Variants in TDRD5 observed in about 807,000 individuals in gnomAD.
The protein encoded by TDRD5 is tudor domain containing 5.
A neutral mutation model predicts 120.6 loss-of-function variants in TDRD5; 41 were observed. The ratio of observed to expected loss-of-function variants is 0.34; its 90% confidence interval spans 0.26 to 0.44. TDRD5 has a LOEUF of 0.44. TDRD5 is among the 20% of genes least tolerant of loss of function. The pLI is 1.00. For synonymous variants in TDRD5, 430 were observed against 433.7 expected (o/e 0.99, Z 0.11); for missense variants, 1,006 against 1,221.2 (o/e 0.82, Z 2.63).
intron 17 of TDRD5, among the ~76,000 whole-genome samples, chr1:179,687,159 T>G (rs1289387871): frequency 6.6e-6 from 1 of 152,182 alleles, no homozygotes; most frequent in Non-Finnish European, 1.5e-5. Context: ...AGATCTTTCC[T>G]GGTTTCTCTT....
rs1558388222 is a variant in TDRD5 at position 179,626,222 on chromosome 1, TAAA to T, written c.973-4542_973-4540del. Among the ~76,000 whole-genome samples, 3 of 146,098 alleles carry T rather than the reference TAAA, an allele frequency of 2.1e-5. No individual in the cohort carries two copies. In the South Asian group the frequency reaches 6.6e-4, roughly 32 times the overall value. On this transcript the variant is annotated intron_variant, in intron 6 of 17. Coordinates refer to ENST00000444136, the MANE Select transcript of TDRD5 (RefSeq NM_001199085.3). ...AAAACTTAAAGTATAATAATAATAATAAAAAGAAAAAAAAGAAGTAAACAGCTG... is the reference window on the plus strand; with the variant it reads ...AAAACTTAAAGTATAATAATAATAATAAGAAAAAAAAGAAGTAAACAGCTG...
At chr1:179,638,224 T>C (rs1313476759) in intron 9 of TDRD5, among the ~76,000 whole-genome samples, 1 of 67,420 alleles carries the variant, frequency 1.5e-5, no homozygotes, top group Non-Finnish European at 3.5e-5. Context: ...GGGATGAAGA[T>C]CTATTAGTGG....
chr1:179,656,868 A>G (rs1158925927), intron 14 of TDRD5, among the ~76,000 whole-genome samples: 2 of 152,180 alleles, frequency 1.3e-5, no homozygotes, highest in African/African-American at 2.4e-5. Flanking sequence ...CCTGGCCAAC[A>G]TGGCAAAACC....
At chr1:179,670,857 A>G (rs1247614226) in intron 17 of TDRD5, among the ~76,000 whole-genome samples, 1 of 152,312 alleles carries the variant, frequency 6.6e-6, no homozygotes, top group East Asian at 1.9e-4. Context: ...GTATCTTTGG[A>G]AGAGCAAAAG....
intron 11 of TDRD5, among the ~76,000 whole-genome samples, chr1:179,642,749 A>T (rs900549025): frequency 3.3e-5 from 5 of 152,192 alleles, no homozygotes; most frequent in African/African-American, 1.2e-4. Flanking sequence ...CTCAATAACT[A>T]GGTTTTTAAC....
In TDRD5 at chr1:179,652,184, A is replaced by C. The variant is rs763086926; in HGVS notation, c.2147A>C (p.Glu716Ala). 11 of 1,604,410 alleles carry C rather than the reference A, an allele frequency of 6.9e-6. No homozygotes were observed. The highest frequency in any genetic ancestry group is 9.3e-6 in the Non-Finnish European group (11 of 1,177,744). ...RKISPQSKES[E>A]LRILQDINDE... is the part of the protein sequence containing the mutation. ...ATAAGTCCACAGTCAAAAGAGAGTG[A>C]GTTACGTATCTTGGTAAGAGATTTT... Residue 716 changes from glutamate (E) to alanine (A), a missense_variant, in exon 13 of 18, where the codon GAG becomes GCG. Physicochemically the swap from Glu to Ala is moderately radical, Grantham distance 107 (BLOSUM62 -1). Around this residue, in one of 3 missense-constraint regions of TDRD5, gnomAD observed 403 missense variants for 448.1 expected, o/e 0.90. Transcript: ENST00000444136.
chr1:179,593,971 C>T, intron 3 of TDRD5, 104 bp downstream of exon 3: 1 of 1,415,850 alleles, frequency 7.1e-7, no homozygotes, highest in South Asian at 1.5e-5. Flanking sequence ...CTACTACTTG[C>T]CAGCTGAGTG....
At chr1:179,630,729 T>C in intron 6 of TDRD5, 38 bp from the exon 7 acceptor site, 1 of 1,600,270 alleles carries the variant, frequency 6.2e-7, no homozygotes, top group Non-Finnish European at 8.5e-7. Flanking sequence ...ATCTGTTATC[T>C]AATGCTGTTT....
At position 179,662,159 on chromosome 1, in the gene TDRD5, T is replaced by G. The variant is rs773663186; in HGVS notation, c.2378T>G (p.Ile793Ser). 9.9e-6 allele frequency: 16 copies of G among 1,610,314 alleles called. No individual in the cohort carries two copies. Among genetic ancestry groups the G allele is most frequent in the Non-Finnish European group, 1.4e-5 (16 of 1,178,498 alleles). The part of the protein sequence containing the change: ...CLESVTIGDD[I>S]WDENWLPLQA... Reference sequence around the variant, plus strand: ...GAGTCAGTGACCATAGGTGATGATATTTGGGATGAGAACTGGTTACCTCTA... The same window carrying G: ...GAGTCAGTGACCATAGGTGATGATAGTTGGGATGAGAACTGGTTACCTCTA... The change falls in exon 15 of 18, where the codon ATT becomes AGT. Residue 793 changes from isoleucine to serine, a missense_variant. Physicochemically the swap from Ile to Ser is moderately radical, Grantham distance 142. Transcript: ENST00000444136.
intron 4 of TDRD5, among the ~76,000 whole-genome samples, chr1:179,604,633 G>T (rs1275982417): frequency 6.6e-6 from 1 of 151,916 alleles, no homozygotes; most frequent in African/African-American, 2.4e-5. Context: ...TTTCATTTTT[G>T]ACCCAATGAT....
intron 11 of TDRD5, among the ~76,000 whole-genome samples, chr1:179,650,247 A>G (rs1246340767): frequency 6.6e-6 from 1 of 152,066 alleles, no homozygotes; most frequent in African/African-American, 2.4e-5. Context: ...CTAAAAATAC[A>G]GAAATCAGCT....
At chr1:179,687,167 C>G (rs1393684261) in intron 17 of TDRD5, among the ~76,000 whole-genome samples, 1 of 152,126 alleles carries the variant, frequency 6.6e-6, no homozygotes, top group East Asian at 1.9e-4. Flanking sequence ...CCTGGTTTCT[C>G]TTGTGGGCAT....
intron 9 of TDRD5, among the ~76,000 whole-genome samples, chr1:179,638,090 G>T (rs534221566): frequency 1.4e-4 from 21 of 152,166 alleles, no homozygotes; most frequent in Non-Finnish European, 2.2e-4. Flanking sequence ...AGTCAGGAAG[G>T]GGGAGAGAGT....
chr1:179,618,281 T>G (rs1238908187), intron 4 of TDRD5, among the ~76,000 whole-genome samples: 3 of 152,234 alleles, frequency 2.0e-5, no homozygotes, highest in South Asian at 4.1e-4. Context: ...AGTACTTTTA[T>G]AAATAGGAGA....
chr1:179,664,639 T>C (rs74132225), intron 16 of TDRD5, among the ~76,000 whole-genome samples: 54,705 of 152,018 alleles, frequency 0.36, 9,908 homozygotes, highest in Admixed American at 0.43. Flanking sequence ...ACCAGTACTT[T>C]ATTCCTTTCT....
chr1:179,641,770 T>G (rs1369956753), intron 11 of TDRD5, among the ~76,000 whole-genome samples: 1 of 152,224 alleles, frequency 6.6e-6, no homozygotes, highest in Non-Finnish European at 1.5e-5. Context: ...AGTTCTCAAT[T>G]TTAATGGATT....
chr1:179,596,960 A>G (rs943597279), intron 4 of TDRD5, among the ~76,000 whole-genome samples: 5 of 152,232 alleles, frequency 3.3e-5, no homozygotes, highest in African/African-American at 1.2e-4. Context: ...CTTTGTTAAC[A>G]TTTGGGATTG....
chr1:179,626,487 T>C (rs1309230371), intron 6 of TDRD5, among the ~76,000 whole-genome samples: 1 of 152,226 alleles, frequency 6.6e-6, no homozygotes, highest in Non-Finnish European at 1.5e-5. Context: ...TTATCAGGGC[T>C]AACTGACTGG....
intron 14 of TDRD5, among the ~76,000 whole-genome samples, chr1:179,658,711 C>G (rs535684798): frequency 1.3e-5 from 2 of 152,224 alleles, no homozygotes; most frequent in Non-Finnish European, 2.9e-5. Flanking sequence ...TTTTATTGAA[C>G]TTCCCATTCC....
Sources: allele counts gnomAD v4.1 joint callset (sites outside exome capture counted in the v4.1 genomes callset), GRCh38; gene constraint gnomAD v4.1.1; regional missense constraint gnomAD v4.1.1; transcripts MANE v1.5; gene names NCBI Gene and HGNC (gene_info 2026-07-23, HGNC 2026-07-21).